ABCC8: variants seen among roughly 807,000 people sequenced by gnomAD.
ABCC8 encodes ATP-binding cassette sub-family C member 8.
Under a neutral mutation model 188.0 loss-of-function variants are expected in ABCC8, and 137 were observed. That is an observed-to-expected ratio of 0.73 (90% CI 0.63 to 0.84). The LOEUF (loss-of-function observed/expected upper bound fraction) is 0.84, where lower values mean the gene tolerates loss of function less well. Ranked by LOEUF, ABCC8 falls within the 40% of genes least tolerant of loss-of-function variation. ABCC8 has a pLI of 0.00. For missense variants in ABCC8, 1,750 were observed against 2,072.7 expected, an observed-to-expected ratio of 0.84 and a Z score of 3.02; for synonymous variants, 797 against 846.5, an observed-to-expected ratio of 0.94 and a Z score of 1.01.
intron 16 of ABCC8, among the ~76,000 whole-genome samples, chr11:17,417,413 C>T (rs1313477677): frequency 1.3e-5 from 2 of 152,070 alleles, no homozygotes; most frequent in Non-Finnish European, 2.9e-5. Context: ...GTGTACTGCA[C>T]GTGGTACTGT....
intron 17 of ABCC8, among the ~76,000 whole-genome samples, chr11:17,416,192 C>T (rs1053521786): frequency 2.0e-5 from 3 of 152,156 alleles, no homozygotes; most frequent in Non-Finnish European, 2.9e-5. Flanking sequence ...CAAAGCTGAG[C>T]CAACCTTCCC....
At chr11:17,395,101 G>A (rs1392811064) in intron 36 of ABCC8, 71 bp downstream of exon 36, 46 of 1,535,836 alleles carry the variant, frequency 3.0e-5, no homozygotes, top group Non-Finnish European at 3.9e-5. Flanking sequence ...TGAGACACGG[G>A]CTTCTGTCTG....
At position 17,475,832 on chromosome 11, in the gene ABCC8, G is replaced by A. The variant is rs1848734201; in HGVS notation, c.148+797C>T. On this transcript the variant is annotated intron_variant, in intron 1 of 38. Coordinates refer to ENST00000389817, the MANE Select transcript of ABCC8 (RefSeq NM_000352.6). ...AATGAACACGTTTTGGGGATGCAGG[G>A]GACACCCTATGAGTTGATAGACTTG... Among the ~76,000 whole-genome samples, 5 of 152,218 alleles carry A rather than the reference G, an allele frequency of 3.3e-5. No individual in the cohort carries two copies. In the South Asian group the frequency reaches 1.0e-3, roughly 31 times the overall value.
intron 11 of ABCC8, 171 bp from the exon 12 acceptor site, chr11:17,431,130 G>A (rs1226895051): frequency 3.6e-6 from 4 of 1,121,802 alleles, no homozygotes; most frequent in East Asian, 2.6e-5. Context: ...TCATGGAAAC[G>A]TCCCCAACAA....
At chr11:17,468,573 C>A (rs1236433365) in intron 3 of ABCC8, among the ~76,000 whole-genome samples, 1 of 152,150 alleles carries the variant, frequency 6.6e-6, no homozygotes. Context: ...AGTTATTTAA[C>A]CTCTGAGCCT....
At chr11:17,410,265 C>A in intron 22 of ABCC8, 1 of 497,432 alleles carries the variant, frequency 2.0e-6, no homozygotes, top group South Asian at 2.8e-5. Flanking sequence ...CTTCTTGGTG[C>A]CAGCCTTGAG....
chr11:17,443,105 G>A, intron 9 of ABCC8, 73 bp downstream of exon 9: 1 of 1,566,920 alleles, frequency 6.4e-7, no homozygotes, highest in Non-Finnish European at 8.8e-7. Flanking sequence ...GTGTGGGTGT[G>A]TGGGAGGAGA....
chr11:17,474,817 T>A (rs923040589), intron 2 of ABCC8, 69 bp downstream of exon 2: 2 of 1,522,250 alleles, frequency 1.3e-6, no homozygotes, highest in Admixed American at 3.3e-5. Context: ...TGAGCTAGGA[T>A]CTCCTTGGGC....
In ABCC8 at chr11:17,402,109, T is replaced by C. The variant is rs1267799129; in HGVS notation, c.3650+552A>G. Among the ~76,000 whole-genome samples, 3 of 152,222 alleles carry C rather than the reference T, an allele frequency of 2.0e-5. No individual in the cohort carries two copies. The East Asian group carries it at 5.8e-4, about 29-fold the overall frequency. The stretch of plus-strand genomic sequence containing the variant: ...AGTGCCTGGCATGGGGCTTAGCACA[T>C]AGTCGGGGCTTAGTAAATGTTTGTT... On this transcript the variant is annotated intron_variant, in intron 29 of 38. Transcript: ENST00000389817.
intron 28 of ABCC8, 73 bp from the exon 29 acceptor site, chr11:17,402,826 C>T (rs902259803): frequency 8.3e-6 from 13 of 1,562,104 alleles, no homozygotes; most frequent in Admixed American, 3.3e-5. Context: ...AGCCTAGCTC[C>T]ACCTGCTACC....
In ABCC8 at chr11:17,448,640, GACAGGTGC is replaced by G. The variant is rs1461437675; in HGVS notation, c.1200_1207del (p.Met400IlefsTer17). The G allele has an allele frequency of 6.2e-7, 1 of 1,614,042 alleles. No individual in the cohort carries two copies. Among genetic ancestry groups the G allele is most frequent in the Non-Finnish European group, 8.5e-7 (1 of 1,180,032 alleles). On this transcript the variant is annotated frameshift_variant, in exon 8 of 39. Coordinates refer to ENST00000389817, the MANE Select transcript of ABCC8 (RefSeq NM_000352.6). LOFTEE classifies it high-confidence loss of function. ...TTCTCCCATGGACAGGTTGGAGGTG[GACAGGTGC>G]ATAATTTTATTGTAAATCTTGGTCT...
Position 17,475,033 on chromosome 11 carries a change from G to C in ABCC8, c.149-6C>G, listed in dbSNP as rs1848685318. 6 of 1,614,114 alleles carry C rather than the reference G, an allele frequency of 3.7e-6. No homozygotes were observed. The highest frequency in any genetic ancestry group is 5.1e-6 in the Non-Finnish European group (6 of 1,180,016). On this transcript the variant is annotated splice_region_variant and splice_polypyrimidine_tract_variant and intron_variant, in intron 1 of 38. Coordinates refer to ENST00000389817, the MANE Select transcript of ABCC8 (RefSeq NM_000352.6). The stretch of plus-strand genomic sequence containing the variant: ...GGAGCTCTGACTTCCCCATCCTGCA[G>C]GGAGAGACAGTCAGAGGCAGGATGC...
intron 17 of ABCC8, 196 bp from the exon 18 acceptor site, chr11:17,415,535 C>T (rs531566176): frequency 1.2e-6 from 1 of 803,898 alleles, no homozygotes; most frequent in African/African-American, 1.9e-5. Flanking sequence ...GCTGCCTGAC[C>T]ACGTGGGTGT....
At chr11:17,417,303 T>A (rs1955128075) in intron 16 of ABCC8, among the ~76,000 whole-genome samples, 2 of 152,118 alleles carry the variant, frequency 1.3e-5, no homozygotes, top group Admixed American at 6.5e-5. Flanking sequence ...TCTTATAGTG[T>A]TTTCCAAACT....
At position 17,442,810 on chromosome 11, in the gene ABCC8, AG is replaced by A; in HGVS notation, c.1539del (p.Trp514GlyfsTer17). On this transcript the variant is annotated frameshift_variant, in exon 10 of 39. Coordinates refer to ENST00000389817, the MANE Select transcript of ABCC8 (RefSeq NM_000352.6). LOFTEE classifies it high-confidence loss of function. Reference protein sequence around the residue: ...LRGIKLLKLYAWENIFRTRVE... With the variant: ...LRGIKLLKLYXWENIFRTRVE... Reference sequence around the variant, plus strand: ...ACCCGCGTGCGGAAGATGTTCTCCCAGGCGTACAGCTTCAGCAGCTTGATGC... The same window carrying A: ...ACCCGCGTGCGGAAGATGTTCTCCCAGCGTACAGCTTCAGCAGCTTGATGC... 1 of 1,614,088 alleles carries A rather than the reference AG, an allele frequency of 6.2e-7. No individual in the cohort carries two copies. The highest frequency in any genetic ancestry group is 8.5e-7 in the Non-Finnish European group (1 of 1,180,026).
Position 17,427,912 on chromosome 11 carries a change from C to T in ABCC8, c.2071G>A (p.Asp691Asn), listed in dbSNP as rs1469562311. 1 of 1,614,040 alleles carries T rather than the reference C, an allele frequency of 6.2e-7. No individual in the cohort carries two copies. The highest frequency in any genetic ancestry group is 1.3e-5 in the African/African-American group (1 of 75,058). Reference protein sequence around the residue: ...IMGGYFTWTPDGIPTLSNITI... With the variant: ...IMGGYFTWTPNGIPTLSNITI... Reference sequence around the variant, plus strand: ...ATGTTGGACAGTGTGGGGATTCCATCTGGGGTCCACGTGAAGTAGCCTCCC... The same window carrying T: ...ATGTTGGACAGTGTGGGGATTCCATTTGGGGTCCACGTGAAGTAGCCTCCC... Residue 691 changes from aspartate to asparagine, a missense_variant, in exon 15 of 39, where the codon GAT becomes AAT. Physicochemically the swap from Asp to Asn is conservative, Grantham distance 23 (BLOSUM62 1). Transcript: ENST00000389817. This position sits in a 1 kb window ranked among gnomAD's most constrained non-coding sequence, Gnocchi z 5.0.
In ABCC8 at chr11:17,450,509, C is replaced by T. The variant is rs1457626099; in HGVS notation, c.1177-1838G>A. 2.7e-5 allele frequency among the ~76,000 whole-genome samples: 4 copies of T among 150,080 alleles called. No homozygotes were observed. In the East Asian group the frequency reaches 7.8e-4, roughly 29 times the overall value. ...TCCTGGGTTCACGCCATTCTCCTGC[C>T]TCAGCCTCCCGAGTAGCTGGGACTA... is the stretch of plus-strand genomic sequence containing the variant. On this transcript the variant is annotated intron_variant, in intron 7 of 38. Coordinates refer to ENST00000389817, the MANE Select transcript of ABCC8 (RefSeq NM_000352.6).
intron 38 of ABCC8, 32 bp downstream of exon 38, chr11:17,393,665 G>A (rs1337937008): frequency 6.2e-7 from 1 of 1,614,026 alleles, no homozygotes; most frequent in East Asian, 2.2e-5. Flanking sequence ...GTCCCTGGGT[G>A]TCCCTCTGCA....
intron 10 of ABCC8, chr11:17,435,868 G>T: frequency 8.0e-7 from 1 of 1,251,018 alleles, no homozygotes; most frequent in Non-Finnish European, 1.2e-6. Flanking sequence ...CGGACACAGG[G>T]ACTTCACGCA....
Sources: gnomAD v4.1 joint callset for allele counts (sites outside exome capture counted in the v4.1 genomes callset) on GRCh38, gnomAD v4.1.1 for gene constraint, Gnocchi (gnomAD v3.1) non-coding constraint, MANE v1.5 for transcripts, NCBI Gene and HGNC (gene_info 2026-07-23, HGNC 2026-07-21) for gene names.